The following AGFG1 variants were observed in gnomAD, a reference collection of about 807,000 sequenced individuals.
AGFG1 encodes the protein ArfGAP with FG repeats 1.
Under a neutral mutation model 60.6 loss-of-function variants are expected in AGFG1, and 10 were observed. The observed-to-expected ratio is 0.16, with a 90% CI of 0.10 to 0.28. AGFG1 has a LOEUF of 0.28. AGFG1 is among the 10% of genes least tolerant of loss of function. AGFG1 has a pLI of 1.00. For missense variants in AGFG1, 537 were observed against 676.5 expected (o/e 0.79, Z 2.29); for synonymous variants, 247 against 242.9 (o/e 1.02, Z -0.16).
At chr2:227,472,778 C>G (rs1383595131) in intron 1 of AGFG1, among the ~76,000 whole-genome samples, 190 bp downstream of exon 1, 1 of 151,388 alleles carries the variant, frequency 6.6e-6, no homozygotes, top group East Asian at 2.0e-4. Context: ...GCCCGGGCAG[C>G]CGGGCTGGGG....
At chr2:227,519,843 AATT>A (rs1293666757) in intron 2 of AGFG1, 102 bp from the exon 3 acceptor site, 128 of 620,946 alleles carry the variant, frequency 2.1e-4, no homozygotes, top group Admixed American at 1.4e-3. Context: ...ATATTATTAA[AATT>A]ATTATGTAGA....
At chr2:227,548,284 G>A (rs1692713360) in intron 10 of AGFG1, among the ~76,000 whole-genome samples, 1 of 152,176 alleles carries the variant, frequency 6.6e-6, no homozygotes, top group African/African-American at 2.4e-5. Context: ...GTACATCCCT[G>A]TGAATATATT....
chr2:227,524,652 A>C, intron 4 of AGFG1, 110 bp from the exon 5 acceptor site: 1 of 1,114,428 alleles, frequency 9.0e-7, no homozygotes, highest in Non-Finnish European at 1.3e-6. Flanking sequence ...TTAACTCAGC[A>C]TACTGTAACT....
At chr2:227,482,112 G>A (rs939188926) in intron 1 of AGFG1, among the ~76,000 whole-genome samples, 11 of 152,094 alleles carry the variant, frequency 7.2e-5, no homozygotes, top group African/African-American at 2.4e-4. Flanking sequence ...TGATCTGCCC[G>A]CTTCGGCCTC....
At chr2:227,484,578 G>GT (rs1309177707) in intron 1 of AGFG1, among the ~76,000 whole-genome samples, 1 of 151,168 alleles carries the variant, frequency 6.6e-6, no homozygotes, top group East Asian at 1.9e-4. Context: ...AGATTTGCCA[G>GT]TTTACAGTTT....
At chr2:227,540,653 C>A (rs575349028) in intron 10 of AGFG1, among the ~76,000 whole-genome samples, 1 of 152,116 alleles carries the variant, frequency 6.6e-6, no homozygotes, top group Non-Finnish European at 1.5e-5. Context: ...CCGCAGTAAA[C>A]GTACGTGTGC....
intron 2 of AGFG1, among the ~76,000 whole-genome samples, chr2:227,509,643 C>T (rs893618411): frequency 6.6e-6 from 1 of 151,738 alleles, no homozygotes; most frequent in African/African-American, 2.4e-5. Flanking sequence ...CAAATGTTAC[C>T]GTTGGAGACT....
intron 1 of AGFG1, among the ~76,000 whole-genome samples, chr2:227,489,302 C>G (rs540864766): frequency 6.9e-6 from 1 of 144,612 alleles, no homozygotes; most frequent in Non-Finnish European, 1.5e-5. Context: ...GCAATCTCAG[C>G]TCACTGCAAC....
chr2:227,547,266 C>G (rs1310112368), intron 10 of AGFG1, among the ~76,000 whole-genome samples: 5 of 152,132 alleles, frequency 3.3e-5, no homozygotes. Flanking sequence ...AGAAAAAACC[C>G]TAAGTAGAAA....
At chr2:227,513,165 T>C (rs1691545321) in intron 2 of AGFG1, among the ~76,000 whole-genome samples, 1 of 152,232 alleles carries the variant, frequency 6.6e-6, no homozygotes, top group Admixed American at 6.5e-5. Context: ...ATATGAGTAA[T>C]TGGGAATGAG....
At chr2:227,505,253 T>G (rs1425435076) in intron 2 of AGFG1, among the ~76,000 whole-genome samples, 8 of 152,218 alleles carry the variant, frequency 5.3e-5, no homozygotes, top group Admixed American at 3.3e-4. Flanking sequence ...AAACACTTTA[T>G]TTTTGTTTTC....
At chr2:227,549,080 A>G (rs1285427405) in intron 10 of AGFG1, among the ~76,000 whole-genome samples, 1 of 151,598 alleles carries the variant, frequency 6.6e-6, no homozygotes, top group Non-Finnish European at 1.5e-5. Flanking sequence ...TTCATTGAGT[A>G]TTTATTGCAA....
At chr2:227,509,826 G>T (rs1453752648) in intron 2 of AGFG1, among the ~76,000 whole-genome samples, 2 of 152,142 alleles carry the variant, frequency 1.3e-5, no homozygotes, top group Non-Finnish European at 2.9e-5. Flanking sequence ...CAGCCAAATA[G>T]CCAACTACAT....
intron 6 of AGFG1, among the ~76,000 whole-genome samples, chr2:227,533,233 A>G (rs866869473): frequency 2.0e-4 from 31 of 152,170 alleles, no homozygotes; most frequent in Non-Finnish European, 5.9e-5. Context: ...GAAAGGCTGT[A>G]GTATATTTGG....
intron 2 of AGFG1, 63 bp from the exon 3 acceptor site, chr2:227,519,885 C>T: frequency 1.1e-6 from 1 of 912,030 alleles, no homozygotes; most frequent in South Asian, 1.6e-5. Flanking sequence ...CATAGTATCC[C>T]CTTAAAATTT....
chr2:227,491,540 CT>C lies in AGFG1; in HGVS notation c.168-3del. On this transcript the variant is annotated splice_region_variant and splice_polypyrimidine_tract_variant and intron_variant, in intron 1 of 12. Transcript: ENST00000310078. Reference sequence around the variant, plus strand: ...TAGTAAATTTTGTAAAATATTTTATCTTTTAGGCGAGGATTAAATCCACCAC... The same window carrying C: ...TAGTAAATTTTGTAAAATATTTTATCTTTAGGCGAGGATTAAATCCACCAC... The C allele has an allele frequency of 6.6e-7, 1 of 1,514,234 alleles. No individual in the cohort carries two copies. The allele number at this position is 1,514,234 out of a possible 1,614,324, so 93.8% of individuals were successfully genotyped here.
At chr2:227,519,767 T>G (rs980227831) in intron 2 of AGFG1, among the ~76,000 whole-genome samples, 181 bp from the exon 3 acceptor site, 1 of 152,252 alleles carries the variant, frequency 6.6e-6, no homozygotes, top group Non-Finnish European at 1.5e-5. Context: ...TGCTAAAATT[T>G]TACTGCATAC....
At chr2:227,486,941 T>C (rs970168442) in intron 1 of AGFG1, among the ~76,000 whole-genome samples, 1 of 152,168 alleles carries the variant, frequency 6.6e-6, no homozygotes, top group African/African-American at 2.4e-5. Flanking sequence ...GTACAATGCA[T>C]AGGACACCCC....
chr2:227,541,935 A>G (rs1692503742), intron 10 of AGFG1, among the ~76,000 whole-genome samples: 2 of 152,054 alleles, frequency 1.3e-5, no homozygotes, highest in African/African-American at 4.8e-5. Flanking sequence ...TAGATTCCTA[A>G]GTATTTTATT....
Sources: gnomAD v4.1 joint callset for allele counts (sites outside exome capture counted in the v4.1 genomes callset) on GRCh38, gnomAD v4.1.1 for gene constraint, MANE v1.5 for transcripts, NCBI Gene and HGNC (gene_info 2026-07-23, HGNC 2026-07-21) for gene names.